GNG2: variants seen among roughly 807,000 people sequenced by gnomAD.
The protein encoded by GNG2 is guanine nucleotide-binding protein G(I)/G(S)/G(O) subunit gamma-2.
In GNG2, 5 loss-of-function variants were observed where a neutral mutation model predicts 5.5. The observed-to-expected ratio is 0.91, with a 90% CI of 0.48 to 1.92. GNG2 has a LOEUF of 1.92. GNG2 is among the 30% of genes most tolerant of loss of function. The probability of loss-of-function intolerance (pLI) is 0.01; values close to 1 mark genes in which losing one functional copy is unlikely to be tolerated. For synonymous variants in GNG2, 28 were observed against 32.0 expected (o/e 0.88, Z 0.42); for missense variants, 55 against 88.4 (o/e 0.62, Z 1.52).
intron 2 of GNG2, among the ~76,000 whole-genome samples, chr14:51,881,323 C>T (rs972708253): frequency 1.3e-5 from 2 of 152,176 alleles, no homozygotes; most frequent in African/African-American, 4.8e-5. Context: ...ATCTGGAATG[C>T]CCAGTGGGAG....
At chr14:51,946,102 G>A (rs1363957517) in intron 2 of GNG2, among the ~76,000 whole-genome samples, 2 of 152,102 alleles carry the variant, frequency 1.3e-5, no homozygotes, top group Non-Finnish European at 2.9e-5. Context: ...TGCATTTAAC[G>A]TCTTGGGGTG....
chr14:51,914,719 A>T (rs1886507679), intron 2 of GNG2, among the ~76,000 whole-genome samples: 1 of 152,188 alleles, frequency 6.6e-6, no homozygotes, highest in East Asian at 1.9e-4. Flanking sequence ...TGTTGAACTG[A>T]TCCTCATGGG....
At chr14:51,844,559 A>G (rs1167747667) in intron 2 of GNG2, among the ~76,000 whole-genome samples, 1 of 152,090 alleles carries the variant, frequency 6.6e-6, no homozygotes, top group Non-Finnish European at 1.5e-5. Context: ...TAAAGAGTTA[A>G]TATGGTCAGA....
At chr14:51,831,012 G>A (rs1352130512) in intron 2 of GNG2, among the ~76,000 whole-genome samples, 1 of 152,076 alleles carries the variant, frequency 6.6e-6, no homozygotes, top group East Asian at 1.9e-4. Flanking sequence ...CCACATGATG[G>A]CCTCCTTGCT....
At chr14:51,921,803 G>T (rs2140226545) in intron 2 of GNG2, among the ~76,000 whole-genome samples, 1 of 152,216 alleles carries the variant, frequency 6.6e-6, no homozygotes, top group Admixed American at 6.5e-5. Flanking sequence ...ACTTGAAAAG[G>T]ATTTTTCAAA....
chr14:51,944,048 C>T (rs555857143), intron 2 of GNG2, among the ~76,000 whole-genome samples: 7 of 152,260 alleles, frequency 4.6e-5, no homozygotes, highest in Admixed American at 3.9e-4. Context: ...TACTACAAAG[C>T]CATGGTAGTC....
At chr14:51,955,578 T>C (rs1043188775) in intron 3 of GNG2, among the ~76,000 whole-genome samples, 2 of 152,204 alleles carry the variant, frequency 1.3e-5, no homozygotes, top group Admixed American at 6.5e-5. Flanking sequence ...AAGAGTGTCA[T>C]ATAACAAAAC....
chr14:51,969,457 C>A lies in GNG2; in HGVS notation c.*2770C>A. 1 of 152,170 alleles carries A rather than the reference C, an allele frequency of 6.6e-6. No individual in the cohort carries two copies. The highest frequency in any genetic ancestry group is 1.9e-4 in the East Asian group (1 of 5,204). The allele number at this position is 152,170 out of a possible 1,614,324, so 9.4% of individuals were successfully genotyped here. On this transcript the variant is annotated 3_prime_UTR_variant, in exon 4 of 4. Coordinates refer to ENST00000556766, the MANE Select transcript of GNG2 (RefSeq NM_053064.5). The stretch of plus-strand genomic sequence containing the variant: ...AGGAGATTGCCTACCAAGGACAAAA[C>A]AATAAATTTAAAAATCAAACGATTT...
intron 1 of GNG2, among the ~76,000 whole-genome samples, chr14:51,868,663 C>G (rs557603263): frequency 1.3e-5 from 2 of 152,278 alleles, no homozygotes; most frequent in Admixed American, 1.3e-4. Context: ...AGGTGCCTTT[C>G]TGAAATAAGA....
chr14:51,880,967 G>GAC (rs1884016812), intron 2 of GNG2, among the ~76,000 whole-genome samples: 5 of 101,984 alleles, frequency 4.9e-5, no homozygotes, highest in African/African-American at 1.5e-4. Flanking sequence ...CAAAAAAAAA[G>GAC]AAAAAAAAAA....
chr14:51,963,805 A>G (rs1365202020), intron 3 of GNG2, among the ~76,000 whole-genome samples: 1 of 152,246 alleles, frequency 6.6e-6, no homozygotes, highest in Non-Finnish European at 1.5e-5. Context: ...TTCTTACCTC[A>G]GGATTACTGT....
chr14:51,884,630 G>C (rs1884322928), intron 2 of GNG2, among the ~76,000 whole-genome samples: 1 of 152,208 alleles, frequency 6.6e-6, no homozygotes, highest in Non-Finnish European at 1.5e-5. Flanking sequence ...ATGAAGTGAA[G>C]GAGACGGGTG....
intron 1 of GNG2, among the ~76,000 whole-genome samples, chr14:51,871,432 G>C (rs1282935611): frequency 6.6e-6 from 1 of 151,994 alleles, no homozygotes; most frequent in Non-Finnish European, 1.5e-5. Context: ...ATGTAGGAGA[G>C]TGTAGCAGTT....
chr14:51,890,906 A>AGACACAC (rs1594882478), intron 2 of GNG2, among the ~76,000 whole-genome samples: 1 of 39,496 alleles, frequency 2.5e-5, no homozygotes, highest in Non-Finnish European at 5.0e-5. Flanking sequence ...ATGGTATATG[A>AGACACAC]AATTGAGTAG....
chr14:51,827,952 G>A (rs567037127), intron 2 of GNG2: 22 of 586,020 alleles, frequency 3.8e-5, no homozygotes, highest in Admixed American at 3.5e-4. Flanking sequence ...ATAAAGCTGC[G>A]GAAGATGAGA....
intron 2 of GNG2, among the ~76,000 whole-genome samples, chr14:51,929,415 G>A (rs868434884): frequency 6.6e-6 from 1 of 152,192 alleles, no homozygotes; most frequent in African/African-American, 2.4e-5. Flanking sequence ...GAATCAAGAG[G>A]CACTAAGCAG....
chr14:51,850,132 T>C (rs183711616), intron 2 of GNG2, among the ~76,000 whole-genome samples: 233 of 152,326 alleles, frequency 1.5e-3, no homozygotes, highest in Admixed American at 2.2e-3. Flanking sequence ...AGCAGCATAG[T>C]TGCCTCTTGG....
intron 2 of GNG2, among the ~76,000 whole-genome samples, chr14:51,901,166 T>C (rs1283977246): frequency 1.3e-5 from 2 of 152,014 alleles, no homozygotes; most frequent in Non-Finnish European, 2.9e-5. Flanking sequence ...TTCATACCAG[T>C]TGGTAAAGAG....
chr14:51,961,370 A>C (rs903805862), intron 3 of GNG2, among the ~76,000 whole-genome samples: 1 of 152,190 alleles, frequency 6.6e-6, no homozygotes, highest in African/African-American at 2.4e-5. Flanking sequence ...TATTCGTTGC[A>C]TGAAATATCT....
Sources: gnomAD v4.1 joint callset for allele counts (sites outside exome capture counted in the v4.1 genomes callset) on GRCh38, gnomAD v4.1.1 for gene constraint, MANE v1.5 for transcripts, NCBI Gene and HGNC (gene_info 2026-07-23, HGNC 2026-07-21) for gene names.